IQGAP2: variants seen among roughly 807,000 people sequenced by gnomAD.
IQGAP2 encodes ras GTPase-activating-like protein IQGAP2.
IQGAP2 carries 173 observed loss-of-function variants against 201.3 expected under a neutral mutation model. That is an observed-to-expected ratio of 0.86 (90% CI 0.76 to 0.98). The LOEUF (loss-of-function observed/expected upper bound fraction) is 0.98, where lower values mean the gene tolerates loss of function less well. IQGAP2 is among the 50% of genes least tolerant of loss of function. The pLI is 0.00. For missense variants in IQGAP2, 1,687 were observed against 1,864.8 expected (o/e 0.90, Z 1.76); for synonymous variants, 675 against 673.9 (o/e 1.00, Z -0.03).
At chr5:76,651,257 A>C (rs1018397356) in intron 17 of IQGAP2, among the ~76,000 whole-genome samples, 2 of 152,158 alleles carry the variant, frequency 1.3e-5, no homozygotes, top group African/African-American at 4.8e-5. Context: ...AGGAACCCTC[A>C]TAATTTTTAT....
intron 1 of IQGAP2, among the ~76,000 whole-genome samples, chr5:76,418,613 T>C (rs1751549036): frequency 6.6e-6 from 1 of 150,996 alleles, no homozygotes; most frequent in Admixed American, 6.6e-5. Context: ...AAAAAAAATC[T>C]CTAAATTGAA....
intron 2 of IQGAP2, among the ~76,000 whole-genome samples, chr5:76,511,473 T>C (rs559717943): frequency 1.3e-5 from 2 of 152,318 alleles, no homozygotes; most frequent in South Asian, 2.1e-4. Flanking sequence ...GATTTTCACT[T>C]AGGTGCCCTT....
chr5:76,568,874 T>A (rs1387466303), intron 3 of IQGAP2, among the ~76,000 whole-genome samples: 1 of 152,148 alleles, frequency 6.6e-6, no homozygotes, highest in Non-Finnish European at 1.5e-5. Context: ...AGGGGGACAT[T>A]ATTTATTTTG....
intron 6 of IQGAP2, among the ~76,000 whole-genome samples, chr5:76,589,391 G>A (rs1037373967): frequency 1.3e-5 from 2 of 149,808 alleles, no homozygotes; most frequent in Non-Finnish European, 3.0e-5. Flanking sequence ...CCTGTATATT[G>A]ATGAGAAGAG....
intron 2 of IQGAP2, among the ~76,000 whole-genome samples, chr5:76,473,296 G>A (rs1344550723): frequency 1.9e-5 from 2 of 103,048 alleles, no homozygotes; most frequent in Admixed American, 1.1e-4. Context: ...GCACAATATA[G>A]CTATCCATTG....
At chr5:76,654,704 C>G (rs1376746000) in intron 19 of IQGAP2, among the ~76,000 whole-genome samples, 1 of 152,168 alleles carries the variant, frequency 6.6e-6, no homozygotes, top group African/African-American at 2.4e-5. Flanking sequence ...CTTTTTAGAT[C>G]TCTTTGTCTA....
chr5:76,680,950 A>G (rs1745228536), intron 28 of IQGAP2, among the ~76,000 whole-genome samples: 1 of 151,782 alleles, frequency 6.6e-6, no homozygotes, highest in South Asian at 2.1e-4. Flanking sequence ...ATTTAAAAAT[A>G]CAAAAATTAA....
In IQGAP2 at chr5:76,476,928, C is replaced by T. The variant is rs544511509; in HGVS notation, c.146+15259C>T. 1.6e-4 allele frequency among the ~76,000 whole-genome samples: 25 copies of T among 152,208 alleles called. No homozygotes were observed. The South Asian group carries it at 2.3e-3, about 14-fold the overall frequency. On this transcript the variant is annotated intron_variant, in intron 2 of 35. Coordinates refer to ENST00000274364, the MANE Select transcript of IQGAP2 (RefSeq NM_006633.5). ...CGTGTGTGTCTAACTAAAGATTCAC[C>T]GAGCAACACTTAACTTCTACTATAT...
chr5:76,508,031 G>T (rs78045556), intron 2 of IQGAP2, among the ~76,000 whole-genome samples: 1 of 139,266 alleles, frequency 7.2e-6, no homozygotes, highest in Admixed American at 7.3e-5. Flanking sequence ...AAAAAAATGG[G>T]CCAAAGATAT....
At chr5:76,574,402 C>G (rs1260082847) in intron 4 of IQGAP2, among the ~76,000 whole-genome samples, 1 of 152,176 alleles carries the variant, frequency 6.6e-6, no homozygotes, top group African/African-American at 2.4e-5. Context: ...TTCCTGGGTT[C>G]AAGCAATTCT....
At chr5:76,459,608 G>A (rs902667591) in intron 1 of IQGAP2, among the ~76,000 whole-genome samples, 3 of 152,062 alleles carry the variant, frequency 2.0e-5, no homozygotes, top group Non-Finnish European at 2.9e-5. Context: ...TGTGAGTGTG[G>A]CAGGTATCAT....
At chr5:76,504,959 C>T (rs558281159) in intron 2 of IQGAP2, among the ~76,000 whole-genome samples, 1 of 152,274 alleles carries the variant, frequency 6.6e-6, no homozygotes, top group African/African-American at 2.4e-5. Context: ...GGCCTTACAC[C>T]AGCCCCCACT....
chr5:76,643,631 T>C (rs1316048006), intron 17 of IQGAP2, among the ~76,000 whole-genome samples: 1 of 152,176 alleles, frequency 6.6e-6, no homozygotes, highest in Non-Finnish European at 1.5e-5. Context: ...TTAGAGTAGG[T>C]AACTACAGGA....
At chr5:76,694,793 T>C (rs1403366830) in intron 31 of IQGAP2, among the ~76,000 whole-genome samples, 1 of 152,236 alleles carries the variant, frequency 6.6e-6, no homozygotes, top group Non-Finnish European at 1.5e-5. Flanking sequence ...TCTAGTACAA[T>C]GAAATGGGAA....
chr5:76,487,314 G>A (rs1432506133), intron 2 of IQGAP2, among the ~76,000 whole-genome samples: 2 of 152,058 alleles, frequency 1.3e-5, no homozygotes, highest in Admixed American at 6.5e-5. Flanking sequence ...GGCCAGGCTG[G>A]TCTCAAACTC....
At chr5:76,653,751 G>A (rs892983216) in intron 18 of IQGAP2, among the ~76,000 whole-genome samples, 17 of 152,098 alleles carry the variant, frequency 1.1e-4, no homozygotes, top group Admixed American at 6.5e-4. Context: ...GGTAGCAATT[G>A]GTCCCTCATG....
At chr5:76,510,812 A>G (rs1165139868) in intron 2 of IQGAP2, 1 of 443,644 alleles carries the variant, frequency 2.3e-6, no homozygotes, top group Admixed American at 2.6e-5. Context: ...AGCCCAGAAG[A>G]CACACCTGGC....
intron 5 of IQGAP2, among the ~76,000 whole-genome samples, chr5:76,578,690 T>G (rs1580503893): frequency 1.3e-5 from 2 of 152,280 alleles, no homozygotes. Context: ...TGGAAAAAAT[T>G]GGAAAATCCA....
chr5:76,607,118 T>C (rs1747866583), intron 12 of IQGAP2: 1 of 152,216 alleles, frequency 6.6e-6, no homozygotes, highest in Non-Finnish European at 1.5e-5. Context: ...AGCTCGCGGA[T>C]AGAGTGGGCA....
Sources: gnomAD v4.1 joint callset for allele counts (sites outside exome capture counted in the v4.1 genomes callset) on GRCh38, gnomAD v4.1.1 for gene constraint, MANE v1.5 for transcripts, NCBI Gene and HGNC (gene_info 2026-07-23, HGNC 2026-07-21) for gene names.